Variants in CDH4 observed in about 807,000 individuals in gnomAD.
CDH4 encodes cadherin-4.
Under a neutral mutation model 86.0 loss-of-function variants are expected in CDH4, and 33 were observed. The ratio of observed to expected loss-of-function variants is 0.38; its 90% CI spans 0.29 to 0.51. CDH4 has a LOEUF of 0.51. Ranked by LOEUF, CDH4 falls within the 20% of genes least tolerant of loss-of-function variation. The pLI is 0.86. For synonymous variants in CDH4, 555 were observed against 549.4 expected (o/e 1.01, Z -0.14); for missense variants, 1,114 against 1,307.4 (o/e 0.85, Z 2.28).
At chr20:61,648,284 A>AGG (rs1420208284) in intron 2 of CDH4, among the ~76,000 whole-genome samples, 2 of 152,210 alleles carry the variant, frequency 1.3e-5, no homozygotes, top group African/African-American at 4.8e-5. Flanking sequence ...GGGAGGAAGA[A>AGG]GGGTCAGCCC....
At chr20:61,386,162 A>C (rs972250360) in intron 2 of CDH4, among the ~76,000 whole-genome samples, 1 of 152,130 alleles carries the variant, frequency 6.6e-6, no homozygotes, top group Non-Finnish European at 1.5e-5. Context: ...TCCTGGAAGA[A>C]TAGACCACGT....
chr20:61,475,638 T>C (rs1261689420), intron 2 of CDH4, among the ~76,000 whole-genome samples: 3 of 46,126 alleles, frequency 6.5e-5, no homozygotes, highest in African/African-American at 3.2e-4. Flanking sequence ...TCCTTGCCCC[T>C]CCTCACTCAC....
At chr20:61,564,678 G>A (rs1250102306) in intron 2 of CDH4, among the ~76,000 whole-genome samples, 2 of 152,120 alleles carry the variant, frequency 1.3e-5, no homozygotes, top group Non-Finnish European at 2.9e-5. Context: ...AAATTACCCA[G>A]CCTCAGGTAT....
intron 2 of CDH4, among the ~76,000 whole-genome samples, chr20:61,571,381 G>A (rs907065833): frequency 8.5e-5 from 13 of 152,294 alleles, no homozygotes; most frequent in African/African-American, 2.2e-4. Flanking sequence ...CCTTGACATC[G>A]GGTGAGCATC....
chr20:61,419,240 G>C (rs1339630681), intron 2 of CDH4, among the ~76,000 whole-genome samples: 1 of 152,274 alleles, frequency 6.6e-6, no homozygotes, highest in Admixed American at 6.5e-5. Flanking sequence ...TGAGAGCAGA[G>C]GCGGCCGCTT....
chr20:61,836,695 T>G (rs1228733444), intron 4 of CDH4, among the ~76,000 whole-genome samples: 2 of 152,216 alleles, frequency 1.3e-5, no homozygotes, highest in Non-Finnish European at 2.9e-5. Context: ...AACCCTTACT[T>G]GGCCCCACAT....
intron 2 of CDH4, among the ~76,000 whole-genome samples, chr20:61,730,404 G>C (rs574014519): frequency 6.6e-6 from 1 of 152,124 alleles, no homozygotes; most frequent in African/African-American, 2.4e-5. Context: ...GGAATCCTAC[G>C]GGTATGCAAC....
chr20:61,280,827 C>T (rs1401516323), intron 2 of CDH4, among the ~76,000 whole-genome samples: 1 of 152,124 alleles, frequency 6.6e-6, no homozygotes, highest in African/African-American at 2.4e-5. Context: ...CTCTTGAGTC[C>T]CTAACAGCTC....
rs2084878997 is a variant in CDH4, at chr20:61,377,532, T to C, written c.169+122595T>C. On this transcript the variant is annotated intron_variant, in intron 2 of 15. Transcript: ENST00000614565. The surrounding 1 kb of genome is among the most constrained non-coding windows in gnomAD (Gnocchi z 4.0). ...AGAGGAGGCTGTGGTTACGGTGACC[T>C]TCAAATGTCCTTGTTAAATGAAACA... Among the ~76,000 whole-genome samples the C allele has an allele frequency of 6.6e-6, 1 of 152,242 alleles. No homozygotes were observed. The highest frequency in any genetic ancestry group is 6.5e-5 in the Admixed American group (1 of 15,288).
At chr20:61,889,539 G>A (rs1205200599) in intron 7 of CDH4, among the ~76,000 whole-genome samples, 1 of 151,842 alleles carries the variant, frequency 6.6e-6, no homozygotes, top group African/African-American at 2.4e-5. Context: ...GTAAGTGGAT[G>A]GTGGATGATG....
intron 2 of CDH4, among the ~76,000 whole-genome samples, chr20:61,346,809 A>G (rs2084681687): frequency 1.3e-5 from 2 of 151,770 alleles, no homozygotes; most frequent in Non-Finnish European, 1.5e-5. Flanking sequence ...AGGGTGCAGC[A>G]GGAAGCCAGG....
At chr20:61,818,142 G>A (rs1027927688) in intron 4 of CDH4, among the ~76,000 whole-genome samples, 16 of 152,060 alleles carry the variant, frequency 1.1e-4, no homozygotes, top group African/African-American at 3.9e-4. Flanking sequence ...CGATTCTCCT[G>A]CCTCAGCCTC....
chr20:61,336,027 T>C (rs1482798781), intron 2 of CDH4, among the ~76,000 whole-genome samples: 2 of 152,142 alleles, frequency 1.3e-5, no homozygotes, highest in Non-Finnish European at 2.9e-5. Context: ...AATCTCAAGG[T>C]TTTTTGTCAT....
chr20:61,916,193 G>A (rs1390989543), intron 9 of CDH4, among the ~76,000 whole-genome samples: 1 of 152,070 alleles, frequency 6.6e-6, no homozygotes, highest in Non-Finnish European at 1.5e-5. Flanking sequence ...TGGAGGGGAG[G>A]GGTTGGGGAG....
chr20:61,609,188 C>T (rs117301219), intron 2 of CDH4, among the ~76,000 whole-genome samples: 119 of 152,332 alleles, frequency 7.8e-4, no homozygotes, highest in Middle Eastern at 6.8e-3. Context: ...CTCTCTGAAT[C>T]ATCGTTGTAA....
rs919501929 is a variant in CDH4, at chr20:61,754,232, A to G, written c.396+10443A>G. ...AGGGAATAAATCTCTGTCTCAGCCCACTGGCTTGTGGACCAGAGCCTTTCA... is the reference window on the plus strand; with the variant it reads ...AGGGAATAAATCTCTGTCTCAGCCCGCTGGCTTGTGGACCAGAGCCTTTCA... On this transcript the variant is annotated intron_variant, in intron 3 of 15. Coordinates refer to ENST00000614565, the MANE Select transcript of CDH4 (RefSeq NM_001794.5). The surrounding 1 kb of genome is among the most constrained non-coding windows in gnomAD (Gnocchi z 4.7). 6.6e-6 allele frequency among the ~76,000 whole-genome samples: 1 copy of G among 152,180 alleles called. No homozygotes were observed. The highest frequency in any genetic ancestry group is 2.4e-5 in the African/African-American group (1 of 41,438).
chr20:61,911,864 G>C (rs1049136312), intron 9 of CDH4, among the ~76,000 whole-genome samples: 1 of 152,242 alleles, frequency 6.6e-6, no homozygotes, highest in Non-Finnish European at 1.5e-5. Flanking sequence ...TTCATTTTGA[G>C]TTGGATCATT....
intron 2 of CDH4, among the ~76,000 whole-genome samples, chr20:61,628,545 G>A (rs959378487): frequency 6.6e-6 from 1 of 152,222 alleles, no homozygotes; most frequent in Admixed American, 6.5e-5. Flanking sequence ...CTCCTGCCCT[G>A]CCAGGAGGTC....
intron 2 of CDH4, among the ~76,000 whole-genome samples, chr20:61,668,701 C>A (rs2087353978): frequency 6.6e-6 from 1 of 152,232 alleles, no homozygotes; most frequent in Non-Finnish European, 1.5e-5. Context: ...GCTGTAGGAT[C>A]AAAGCCCAGG....
Sources: allele counts gnomAD v4.1 joint callset (sites outside exome capture counted in the v4.1 genomes callset), GRCh38; gene constraint gnomAD v4.1.1; non-coding constraint Gnocchi (gnomAD v3.1); transcripts MANE v1.5; gene names NCBI Gene and HGNC (gene_info 2026-07-23, HGNC 2026-07-21).